Variants in ARHGAP25 observed in about 807,000 individuals in gnomAD.
ARHGAP25 encodes the protein rho GTPase-activating protein 25.
In ARHGAP25, 34 loss-of-function variants were observed where a neutral mutation model predicts 71.0. The ratio of observed to expected loss-of-function variants is 0.48; its 90% confidence interval spans 0.36 to 0.64. The LOEUF (loss-of-function observed/expected upper bound fraction) is 0.64, where lower values mean the gene tolerates loss of function less well. ARHGAP25 is among the 30% of genes least tolerant of loss of function. ARHGAP25 has a pLI of 0.00. For synonymous variants in ARHGAP25, 282 were observed against 296.5 expected, an observed-to-expected ratio of 0.95 and a Z score of 0.50; for missense variants, 706 against 805.1, an observed-to-expected ratio of 0.88 and a Z score of 1.49.
In ARHGAP25 at chr2:68,807,288, G is replaced by A. The variant is rs142788069; in HGVS notation, c.482G>A (p.Arg161His). Residue 161 changes from arginine (R) to histidine (H), a missense_variant, in exon 5 of 11, where the codon CGC becomes CAC. By Grantham distance (29) the Arg-to-His change is conservative. Transcript: ENST00000409202. Reference sequence around the variant, plus strand: ...CTCTCCTCAGCAGTGTTTGGCCAGCGCTTGGATGAGACTGTGGCCTATGAA... The same window carrying A: ...CTCTCCTCAGCAGTGTTTGGCCAGCACTTGGATGAGACTGTGGCCTATGAA... ...GTPCGAVFGQ[R>H]LDETVAYEQK... 1.5e-5 allele frequency: 25 copies of A among 1,614,100 alleles called. No individual in the cohort carries two copies. Among genetic ancestry groups the A allele is most frequent in the East Asian group, 8.9e-5 (4 of 44,894 alleles).
intron 3 of ARHGAP25, among the ~76,000 whole-genome samples, chr2:68,783,428 A>T (rs1405788165): frequency 6.6e-6 from 1 of 151,916 alleles, no homozygotes; most frequent in East Asian, 1.9e-4. Context: ...TTAAGTTTCT[A>T]GATGCTTGCT....
intron 1 of ARHGAP25, among the ~76,000 whole-genome samples, chr2:68,761,172 A>G (rs1309127810): frequency 6.6e-6 from 1 of 152,028 alleles, no homozygotes; most frequent in Non-Finnish European, 1.5e-5. Context: ...TGCTAGGAAA[A>G]CTGGATATCC....
chr2:68,724,170 C>T (rs1674829728), intron 2 of ARHGAP25, among the ~76,000 whole-genome samples: 1 of 152,104 alleles, frequency 6.6e-6, no homozygotes, highest in South Asian at 2.1e-4. Context: ...CTCTGGAGCT[C>T]TCTGGACAGC....
intron 4 of ARHGAP25, among the ~76,000 whole-genome samples, chr2:68,802,945 G>A (rs1395163692): frequency 6.7e-6 from 1 of 148,916 alleles, no homozygotes; most frequent in Non-Finnish European, 1.5e-5. Context: ...ACACATATGT[G>A]TGTGTATATA....
At chr2:68,757,593 C>T (rs1000473180) in intron 1 of ARHGAP25, 1 of 152,074 alleles carries the variant, frequency 6.6e-6, no homozygotes, top group African/African-American at 2.4e-5. Flanking sequence ...TTAAGACATT[C>T]TCAGATAAAC....
At chr2:68,809,739 G>A (rs371566258) in intron 5 of ARHGAP25, among the ~76,000 whole-genome samples, 5 of 152,102 alleles carry the variant, frequency 3.3e-5, no homozygotes, top group African/African-American at 4.8e-5. Context: ...CCAACTTCAC[G>A]GCTGTGGGAA....
chr2:68,726,174 G>C (rs548742630), intron 2 of ARHGAP25, among the ~76,000 whole-genome samples: 16 of 152,206 alleles, frequency 1.1e-4, no homozygotes, highest in African/African-American at 3.6e-4. Context: ...CTGTCTTCTT[G>C]TTGGCTGTGT....
upstream of ARHGAP25, among the ~76,000 whole-genome samples, chr2:68,731,533 C>T (rs953194271): frequency 2.0e-5 from 3 of 152,038 alleles, no homozygotes; most frequent in Non-Finnish European, 4.4e-5. Context: ...ACAGTCAGAA[C>T]TCTTTGTCAA....
chr2:68,733,331 A>G (rs1409962884), upstream of ARHGAP25, among the ~76,000 whole-genome samples: 1 of 152,158 alleles, frequency 6.6e-6, no homozygotes, highest in Non-Finnish European at 1.5e-5. Context: ...TGATGAGAAT[A>G]TATTTTGTGG....
intron 2 of ARHGAP25, among the ~76,000 whole-genome samples, chr2:68,779,108 T>C (rs191716057): frequency 6.6e-6 from 1 of 152,366 alleles, no homozygotes; most frequent in East Asian, 1.9e-4. Flanking sequence ...TTGTCTCATC[T>C]GCCTGTTTTC....
At chr2:68,762,076 T>A (rs780998821) in intron 1 of ARHGAP25, among the ~76,000 whole-genome samples, 3 of 152,186 alleles carry the variant, frequency 2.0e-5, no homozygotes, top group Non-Finnish European at 4.4e-5. Context: ...TTCTGCAATA[T>A]GCTATAGCAC....
At chr2:68,821,419 A>C (rs964263776) in intron 9 of ARHGAP25, among the ~76,000 whole-genome samples, 5 of 152,140 alleles carry the variant, frequency 3.3e-5, no homozygotes, top group African/African-American at 4.8e-5. Flanking sequence ...TTCATACTAC[A>C]AAAGAAGCTG....
chr2:68,751,657 G>T (rs1676184843), intron 1 of ARHGAP25, among the ~76,000 whole-genome samples: 1 of 152,194 alleles, frequency 6.6e-6, no homozygotes, highest in African/African-American at 2.4e-5. Flanking sequence ...TCTAGAAATT[G>T]TGTGAAAAAT....
chr2:68,784,094 T>A (rs190927339), intron 3 of ARHGAP25, among the ~76,000 whole-genome samples: 1 of 152,178 alleles, frequency 6.6e-6, no homozygotes, highest in African/African-American at 2.4e-5. Context: ...TTATCACTTA[T>A]GTTTGCAGCA....
chr2:68,796,664 T>G (rs1368898544), intron 4 of ARHGAP25, among the ~76,000 whole-genome samples: 8 of 152,326 alleles, frequency 5.3e-5, no homozygotes, highest in Admixed American at 4.6e-4. Flanking sequence ...AGTTATTGGT[T>G]ACTTTTTCAG....
At position 68,818,149 on chromosome 2, in the gene ARHGAP25, C is replaced by T. The variant is rs942203269; in HGVS notation, c.1003+155C>T. ...CAATAGCCTTGTGAGGTAGGCAGGGCAGGAATTGTGTCCATTTTTCAGATC... is the reference window on the plus strand; with the variant it reads ...CAATAGCCTTGTGAGGTAGGCAGGGTAGGAATTGTGTCCATTTTTCAGATC... On this transcript the variant is annotated intron_variant, in intron 8 of 10. Transcript: ENST00000409202. 3.9e-5 allele frequency among the ~76,000 whole-genome samples: 6 copies of T among 152,116 alleles called. No homozygotes were observed. The highest frequency in any genetic ancestry group is 7.4e-5 in the Non-Finnish European group (5 of 68,016).
In ARHGAP25 at chr2:68,762,412, G is replaced by A. The variant is rs375932904; in HGVS notation, c.62-12809G>A. 4.6e-5 allele frequency among the ~76,000 whole-genome samples: 7 copies of A among 152,218 alleles called. No homozygotes were observed. The East Asian group carries it at 9.6e-4, about 21-fold the overall frequency. ...GTGTTTTACTGGAATAAAAATAATT[G>A]GGAAAAAATAAATCACGCAAGTTAT... On this transcript the variant is annotated intron_variant, in intron 1 of 10. Transcript: ENST00000409202.
At chr2:68,803,967 T>C (rs1427187873) in intron 4 of ARHGAP25, among the ~76,000 whole-genome samples, 1 of 152,244 alleles carries the variant, frequency 6.6e-6, no homozygotes, top group Non-Finnish European at 1.5e-5. Context: ...CATGGTCTTT[T>C]GTAGTTCTCA....
rs1239183714 is a variant in ARHGAP25 at position 68,717,480 on chromosome 2, C to T, written c.-18+6782C>T. 2.6e-5 allele frequency among the ~76,000 whole-genome samples: 4 copies of T among 152,302 alleles called. No homozygotes were observed. The East Asian group carries it at 7.7e-4, about 29-fold the overall frequency. ...TCTTTTTAAGCTTTAGACACTTCCT[C>T]TGCAAAAGACGATAACTTAATCACA... On this transcript the variant is annotated intron_variant and NMD_transcript_variant, in intron 2 of 7. Coordinates refer to the ARHGAP25 transcript ENST00000463483.
Sources: allele counts gnomAD v4.1 joint callset (sites outside exome capture counted in the v4.1 genomes callset), GRCh38; gene constraint gnomAD v4.1.1; transcripts MANE v1.5; gene names NCBI Gene and HGNC (gene_info 2026-07-23, HGNC 2026-07-21).